The following E2F3 variants were observed in gnomAD, a reference collection of about 807,000 sequenced individuals.
The protein encoded by E2F3 is E2F transcription factor 3.
E2F3 carries 11 observed loss-of-function variants against 44.4 expected under a neutral mutation model. The observed-to-expected ratio is 0.25, with a 90% confidence interval of 0.16 to 0.41. The LOEUF (loss-of-function observed/expected upper bound fraction) is 0.41. Among genes scored for constraint, E2F3 ranks in the 10% least tolerant of loss-of-function variants. E2F3 has a pLI of 1.00. For missense variants in E2F3, 487 were observed against 583.6 expected, an observed-to-expected ratio of 0.83 and a Z score of 1.70; for synonymous variants, 249 against 253.0, an observed-to-expected ratio of 0.98 and a Z score of 0.15.
chr6:20,406,751 G>A (rs542267636), intron 1 of E2F3, among the ~76,000 whole-genome samples: 10 of 152,296 alleles, frequency 6.6e-5, no homozygotes, highest in Admixed American at 2.0e-4. Flanking sequence ...ACTTTTGGGT[G>A]CAGTTTATGC....
intron 1 of E2F3, among the ~76,000 whole-genome samples, chr6:20,422,900 C>A (rs143211849): frequency 6.6e-6 from 1 of 152,114 alleles, no homozygotes; most frequent in Non-Finnish European, 1.5e-5. Context: ...TGAAATATTA[C>A]GAGAATTACC....
chr6:20,468,351 G>A (rs1427885082), intron 1 of E2F3, among the ~76,000 whole-genome samples: 2 of 152,216 alleles, frequency 1.3e-5, no homozygotes, highest in African/African-American at 4.8e-5. Flanking sequence ...TAATTTGCTA[G>A]AGCAGCTCAC....
intron 1 of E2F3, among the ~76,000 whole-genome samples, chr6:20,420,752 G>A (rs1359359869): frequency 6.6e-6 from 1 of 152,202 alleles, no homozygotes; most frequent in East Asian, 1.9e-4. Flanking sequence ...ACTGAAGACT[G>A]TTGCTGTTTA....
At chr6:20,429,355 T>G (rs1189173499) in intron 1 of E2F3, among the ~76,000 whole-genome samples, 1 of 152,202 alleles carries the variant, frequency 6.6e-6, no homozygotes, top group Non-Finnish European at 1.5e-5. Context: ...ATTCATAAGT[T>G]TTAAATTGCA....
chr6:20,482,480 GA>G (rs1160507125), intron 3 of E2F3, among the ~76,000 whole-genome samples: 1 of 149,698 alleles, frequency 6.7e-6, no homozygotes, highest in Non-Finnish European at 1.5e-5. Flanking sequence ...TTTGCCCTCT[GA>G]ATTTGAACCT....
chr6:20,469,056 G>T (rs1430720528), intron 1 of E2F3, among the ~76,000 whole-genome samples: 2 of 152,168 alleles, frequency 1.3e-5, no homozygotes, highest in Non-Finnish European at 2.9e-5. Flanking sequence ...ATATGATGGA[G>T]AGTTGGAAAA....
At chr6:20,404,650 C>T (rs1759431957) in intron 1 of E2F3, among the ~76,000 whole-genome samples, 1 of 152,140 alleles carries the variant, frequency 6.6e-6, no homozygotes, top group Non-Finnish European at 1.5e-5. Context: ...TCCCCGGGTT[C>T]GGTCTTAACT....
intron 1 of E2F3, among the ~76,000 whole-genome samples, chr6:20,457,122 A>G (rs1173435815): frequency 1.3e-5 from 2 of 151,888 alleles, no homozygotes; most frequent in Admixed American, 1.3e-4. Context: ...GCCTAGGGAA[A>G]AAATGTTCCC....
intron 1 of E2F3, among the ~76,000 whole-genome samples, chr6:20,462,299 G>A (rs184665240): frequency 1.9e-4 from 29 of 152,106 alleles, no homozygotes; most frequent in East Asian, 1.5e-3. Flanking sequence ...TTATTTTTCC[G>A]ATACACAGTT....
At chr6:20,484,612 C>T (rs894331952) in intron 4 of E2F3, among the ~76,000 whole-genome samples, 1 of 152,118 alleles carries the variant, frequency 6.6e-6, no homozygotes, top group African/African-American at 2.4e-5. Context: ...ATGTAGTGAC[C>T]TAAAACCCAG....
chr6:20,459,866 C>T (rs1432836030), intron 1 of E2F3, among the ~76,000 whole-genome samples: 1 of 152,164 alleles, frequency 6.6e-6, no homozygotes, highest in Admixed American at 6.5e-5. Context: ...TGCTTGAGCC[C>T]ATGAGATTGA....
chr6:20,446,856 C>T (rs1356450058), intron 1 of E2F3, among the ~76,000 whole-genome samples: 2 of 152,176 alleles, frequency 1.3e-5, no homozygotes, highest in Non-Finnish European at 2.9e-5. Flanking sequence ...AGTGAGCAAC[C>T]ATGCCCGGCC....
intron 1 of E2F3, among the ~76,000 whole-genome samples, chr6:20,403,384 C>T (rs1759376456): frequency 1.3e-5 from 2 of 152,098 alleles, no homozygotes; most frequent in African/African-American, 4.8e-5. Flanking sequence ...GGGCCCCGGG[C>T]CTGCCCTTGA....
In E2F3 at chr6:20,402,812, G is replaced by A. The variant is rs1050075345; in HGVS notation, c.393+187G>A. ...GCTCTTCCCGGCGCCAGGAGGGTCG[G>A]GGGGCTCGGCCAGGCGCGCGGGGCG... On this transcript the variant is annotated intron_variant, in intron 1 of 6. Transcript: ENST00000346618. The surrounding 1 kb of genome is among the most constrained non-coding windows in gnomAD (Gnocchi z 5.6). Among the ~76,000 whole-genome samples the A allele has an allele frequency of 1.3e-5, 2 of 152,150 alleles. No homozygotes were observed. Among genetic ancestry groups the A allele is most frequent in the African/African-American group, 4.8e-5 (2 of 41,432 alleles).
At chr6:20,405,211 GAAT>G (rs903918560) in intron 1 of E2F3, among the ~76,000 whole-genome samples, 1 of 151,794 alleles carries the variant, frequency 6.6e-6, no homozygotes, top group African/African-American at 2.4e-5. Context: ...ATTATTCCAG[GAAT>G]AATAATATCC....
In E2F3 at chr6:20,462,963, T is replaced by A. The variant is rs113292615; in HGVS notation, c.394-16883T>A. ...CCTGAGCTCAAGCAATCCTTCCACC[T>A]CAGCCCCCATTCACTCTTTAGTGCA... On this transcript the variant is annotated intron_variant, in intron 1 of 6. Coordinates refer to ENST00000346618, the MANE Select transcript of E2F3 (RefSeq NM_001949.5). Among the ~76,000 whole-genome samples, 1,063 of 120,570 alleles carry A rather than the reference T, an allele frequency of 8.8e-3. 14 individuals are homozygous for A. Among genetic ancestry groups the A allele is most frequent in the African/African-American group, 0.033 (1,011 of 30,582 alleles). 79.1% of individuals were successfully genotyped at this position (120,570 alleles called of 152,430 possible). A position where few individuals can be genotyped will look rare whatever the true frequency, so the allele number is the denominator to read the frequency against.
intron 1 of E2F3, among the ~76,000 whole-genome samples, chr6:20,465,036 A>T (rs1011496183): frequency 6.6e-6 from 1 of 152,158 alleles, no homozygotes; most frequent in Admixed American, 6.5e-5. Context: ...ATGTTCTCAC[A>T]ATCTTAACTG....
chr6:20,432,160 T>A (rs1760423597), intron 1 of E2F3, among the ~76,000 whole-genome samples: 1 of 152,250 alleles, frequency 6.6e-6, no homozygotes, highest in South Asian at 2.1e-4. Context: ...CCAAGGCACC[T>A]GTGAAGGAGA....
intron 1 of E2F3, among the ~76,000 whole-genome samples, chr6:20,424,916 G>T (rs142885608): frequency 6.6e-6 from 1 of 152,162 alleles, no homozygotes; most frequent in South Asian, 2.1e-4. Flanking sequence ...AGGAAATTTC[G>T]AAACCTCTCT....
Sources: allele counts gnomAD v4.1 joint callset (sites outside exome capture counted in the v4.1 genomes callset), GRCh38; gene constraint gnomAD v4.1.1; non-coding constraint Gnocchi (gnomAD v3.1); transcripts MANE v1.5; gene names NCBI Gene and HGNC (gene_info 2026-07-23, HGNC 2026-07-21).